Variants in LRRC7 observed in about 807,000 individuals in gnomAD.
The protein encoded by LRRC7 is leucine rich repeat containing 7.
A neutral mutation model predicts 175.7 loss-of-function variants in LRRC7; 23 were observed. That is an observed-to-expected ratio of 0.13 (90% CI 0.09 to 0.19). LRRC7 has a LOEUF of 0.19. Ranked by LOEUF, LRRC7 falls within the 10% of genes least tolerant of loss-of-function variation. The pLI, the probability that LRRC7 is intolerant of heterozygous loss-of-function variation, is 1.00. For missense variants in LRRC7, 1,354 were observed against 1,904.7 expected, an observed-to-expected ratio of 0.71 and a Z score of 5.38; for synonymous variants, 685 against 680.9, an observed-to-expected ratio of 1.01 and a Z score of -0.09.
intron 7 of LRRC7, among the ~76,000 whole-genome samples, chr1:69,904,524 A>C: frequency 6.6e-6 from 1 of 151,980 alleles, no homozygotes; most frequent in Admixed American, 6.6e-5. Context: ...AACATAAAGG[A>C]TACTCTGAAT....
At chr1:69,740,062 T>C (rs1353344506) in intron 2 of LRRC7, among the ~76,000 whole-genome samples, 1 of 152,082 alleles carries the variant, frequency 6.6e-6, no homozygotes, top group East Asian at 1.9e-4. Flanking sequence ...GAGGTTCTAC[T>C]ATATGATTGG....
intron 13 of LRRC7, 136 bp downstream of exon 13, chr1:70,013,225 T>C (rs1312905891): frequency 4.9e-6 from 2 of 407,262 alleles, no homozygotes; most frequent in African/African-American, 4.2e-5. Flanking sequence ...TTCCTTAAAA[T>C]AGCAGAAGGT....
At chr1:69,656,214 T>C (rs1334416930) in intron 1 of LRRC7, among the ~76,000 whole-genome samples, 1 of 152,052 alleles carries the variant, frequency 6.6e-6, no homozygotes, top group Non-Finnish European at 1.5e-5. Context: ...GATGGAAACA[T>C]GCTTACTTTT....
intron 7 of LRRC7, among the ~76,000 whole-genome samples, chr1:69,846,143 A>C (rs1014816565): frequency 6.6e-6 from 1 of 152,152 alleles, no homozygotes; most frequent in East Asian, 1.9e-4. Context: ...GTATTCTATA[A>C]ATTATAATGC....
intron 9 of LRRC7, among the ~76,000 whole-genome samples, chr1:69,981,108 C>T (rs1422471820): frequency 6.6e-6 from 1 of 152,118 alleles, no homozygotes; most frequent in Non-Finnish European, 1.5e-5. Context: ...CCCCTTGCCA[C>T]TTGCATACAC....
At chr1:69,801,611 T>C (rs1482866455) in intron 4 of LRRC7, among the ~76,000 whole-genome samples, 1 of 151,800 alleles carries the variant, frequency 6.6e-6, no homozygotes, top group Non-Finnish European at 1.5e-5. Context: ...TCTCTCCTTT[T>C]CTTGATTAGT....
At chr1:69,846,796 G>A (rs1406583767) in intron 7 of LRRC7, among the ~76,000 whole-genome samples, 1 of 151,924 alleles carries the variant, frequency 6.6e-6, no homozygotes, top group Non-Finnish European at 1.5e-5. Context: ...AGTATACACT[G>A]GCACTTAGAA....
intron 25 of LRRC7, among the ~76,000 whole-genome samples, chr1:70,098,614 T>C (rs1266954329): frequency 2.6e-5 from 4 of 151,642 alleles, no homozygotes; most frequent in Admixed American, 2.0e-4. Flanking sequence ...ATCAAATAGA[T>C]GCAATAAAAA....
intron 8 of LRRC7, among the ~76,000 whole-genome samples, chr1:69,954,897 T>G (rs1181483777): frequency 3.9e-5 from 6 of 152,084 alleles, no homozygotes; most frequent in Non-Finnish European, 8.8e-5. Context: ...AGCAATCTAC[T>G]GCTTGCAAAG....
intron 1 of LRRC7, among the ~76,000 whole-genome samples, chr1:69,590,602 T>C (rs1477925599): frequency 6.6e-6 from 1 of 152,142 alleles, no homozygotes; most frequent in African/African-American, 2.4e-5. Context: ...GAAACACATA[T>C]AAAAGAGACT....
At chr1:69,706,804 A>G (rs1664091638) in intron 2 of LRRC7, among the ~76,000 whole-genome samples, 1 of 152,182 alleles carries the variant, frequency 6.6e-6, no homozygotes. Context: ...CAGTATGGCC[A>G]CAGCTTCCCA....
intron 8 of LRRC7, among the ~76,000 whole-genome samples, chr1:69,932,761 A>T (rs1191045243): frequency 6.6e-6 from 1 of 152,048 alleles, no homozygotes; most frequent in Non-Finnish European, 1.5e-5. Flanking sequence ...CCTCCCTAAG[A>T]TGGAATTTGG....
intron 3 of LRRC7, among the ~76,000 whole-genome samples, chr1:69,782,378 C>A (rs1354610601): frequency 6.6e-6 from 1 of 152,218 alleles, no homozygotes; most frequent in Non-Finnish European, 1.5e-5. Flanking sequence ...TATAACCGTA[C>A]AGAACACTAC....
intron 7 of LRRC7, among the ~76,000 whole-genome samples, chr1:69,887,805 G>T (rs1645690586): frequency 6.8e-6 from 1 of 146,998 alleles, no homozygotes; most frequent in Non-Finnish European, 1.5e-5. Flanking sequence ...TGGTGTGGAT[G>T]TCCTTTCTGT....
At chr1:69,924,118 T>C (rs1361888890) in intron 7 of LRRC7, among the ~76,000 whole-genome samples, 2 of 152,174 alleles carry the variant, frequency 1.3e-5, no homozygotes, top group East Asian at 1.9e-4. Context: ...GTTGTAGATA[T>C]GCGGCGTTAT....
chr1:69,678,483 G>A lies in LRRC7; in HGVS notation c.100+5G>A. The A allele has an allele frequency of 6.3e-7, 1 of 1,591,216 alleles. No homozygotes were observed. The highest frequency in any genetic ancestry group is 8.6e-7 in the Non-Finnish European group (1 of 1,166,980). ...GGAAGAGGCCTGAAGAGGAGTGTAA[G>A]TATGTTTAATAGGATTACCTGTGTT... On this transcript the variant is annotated splice_donor_5th_base_variant and intron_variant, in intron 2 of 26. Coordinates refer to ENST00000651989, the MANE Select transcript of LRRC7 (RefSeq NM_001370785.2).
intron 3 of LRRC7, among the ~76,000 whole-genome samples, chr1:69,777,214 C>T (rs568192441): frequency 5.9e-4 from 90 of 152,194 alleles, no homozygotes; most frequent in African/African-American, 2.0e-3. Flanking sequence ...GCAGGGTATG[C>T]GGGATGCCAA....
At chr1:69,593,641 T>G (rs908831660) in intron 1 of LRRC7, among the ~76,000 whole-genome samples, 3 of 152,204 alleles carry the variant, frequency 2.0e-5, no homozygotes, top group Non-Finnish European at 2.9e-5. Flanking sequence ...TGTTTAAAAC[T>G]TACAAAACAC....
intron 1 of LRRC7, among the ~76,000 whole-genome samples, chr1:69,595,223 C>A (rs141542212): frequency 0.02 from 3,069 of 152,150 alleles, 105 homozygotes; most frequent in African/African-American, 0.069. Flanking sequence ...AGATCGAGAC[C>A]ATCCTGGCCA....
Sources: gnomAD v4.1 joint callset for allele counts (sites outside exome capture counted in the v4.1 genomes callset) on GRCh38, gnomAD v4.1.1 for gene constraint, MANE v1.5 for transcripts, NCBI Gene and HGNC (gene_info 2026-07-23, HGNC 2026-07-21) for gene names.